Variants in UBE2R2 observed in about 807,000 individuals in gnomAD.
UBE2R2 encodes the protein ubiquitin-conjugating enzyme E2 R2.
Under a neutral mutation model 27.8 loss-of-function variants are expected in UBE2R2, and 1 was observed. The observed-to-expected ratio is 0.04, with a 90% CI of 0.01 to 0.17. UBE2R2 has a LOEUF of 0.17. Among genes scored for constraint, UBE2R2 ranks in the 10% least tolerant of loss-of-function variants. The pLI is 1.00. For synonymous variants in UBE2R2, 106 were observed against 113.3 expected (o/e 0.94, Z 0.41); for missense variants, 100 against 291.0 (o/e 0.34, Z 4.78).
intron 1 of UBE2R2, among the ~76,000 whole-genome samples, chr9:33,880,220 C>G (rs1483714985): frequency 6.6e-6 from 1 of 152,018 alleles, no homozygotes; most frequent in Admixed American, 6.6e-5. Context: ...TAAGTAGAAG[C>G]TTATATTATT....
intron 1 of UBE2R2, among the ~76,000 whole-genome samples, chr9:33,877,441 C>G (rs905515596): frequency 1.3e-5 from 2 of 151,952 alleles, no homozygotes; most frequent in Non-Finnish European, 2.9e-5. Flanking sequence ...CTCAGCCTCC[C>G]AAAGTGCTGG....
At chr9:33,915,977 A>G (rs1822631785) in intron 4 of UBE2R2, among the ~76,000 whole-genome samples, 1 of 152,146 alleles carries the variant, frequency 6.6e-6, no homozygotes, top group South Asian at 2.1e-4. Context: ...AGACAGAAAA[A>G]TCAACAAGGT....
chr9:33,852,844 C>A (rs1820997673), intron 1 of UBE2R2, among the ~76,000 whole-genome samples: 1 of 152,044 alleles, frequency 6.6e-6, no homozygotes, highest in South Asian at 2.1e-4. Flanking sequence ...CCTGTCTCTA[C>A]TAAAAGTACA....
chr9:33,843,837 A>T (rs1360617401), intron 1 of UBE2R2, among the ~76,000 whole-genome samples: 1 of 152,220 alleles, frequency 6.6e-6, no homozygotes, highest in Non-Finnish European at 1.5e-5. Context: ...CATTACTTAT[A>T]ATTCAGACAA....
chr9:33,834,474 A>G (rs555421903), intron 1 of UBE2R2, among the ~76,000 whole-genome samples: 55 of 152,048 alleles, frequency 3.6e-4, no homozygotes, highest in Admixed American at 6.5e-4. Flanking sequence ...GGCCTCCCAA[A>G]GTGTTGGGAT....
chr9:33,914,383 T>A (rs959886056), intron 4 of UBE2R2, among the ~76,000 whole-genome samples: 1 of 152,174 alleles, frequency 6.6e-6, no homozygotes, highest in Non-Finnish European at 1.5e-5. Context: ...TGAGTGTAAA[T>A]TCTGATGTGG....
At chr9:33,850,284 A>T (rs564703980) in intron 1 of UBE2R2, among the ~76,000 whole-genome samples, 2 of 152,288 alleles carry the variant, frequency 1.3e-5, no homozygotes, top group Non-Finnish European at 2.9e-5. Flanking sequence ...TAGAGCTCTA[A>T]AAATCAAGTC....
chr9:33,896,817 G>GT (rs1346206668), intron 2 of UBE2R2, among the ~76,000 whole-genome samples: 3 of 151,652 alleles, frequency 2.0e-5, no homozygotes, highest in Non-Finnish European at 1.5e-5. Flanking sequence ...CTTTCTGATT[G>GT]TTTTTATCAT....
intron 1 of UBE2R2, among the ~76,000 whole-genome samples, chr9:33,857,373 C>T (rs1453685277): frequency 2.6e-5 from 4 of 151,926 alleles, no homozygotes; most frequent in South Asian, 2.1e-4. Context: ...GGCTGGAGTG[C>T]GGTGGCACTA....
intron 3 of UBE2R2, among the ~76,000 whole-genome samples, chr9:33,901,206 A>C (rs929360847): frequency 6.6e-6 from 1 of 152,140 alleles, no homozygotes; most frequent in Non-Finnish European, 1.5e-5. Flanking sequence ...AATGTCCCCC[A>C]GTTGAGATTT....
At chr9:33,862,782 C>T (rs1821269253) in intron 1 of UBE2R2, among the ~76,000 whole-genome samples, 1 of 152,084 alleles carries the variant, frequency 6.6e-6, no homozygotes, top group Non-Finnish European at 1.5e-5. Context: ...TTAAACATTT[C>T]CCCCATTTTG....
chr9:33,917,493 T>TA lies in UBE2R2; in HGVS notation c.*262dup. 5.3e-6 allele frequency: 3 copies of TA among 562,862 alleles called. No homozygotes were observed. The highest frequency in any genetic ancestry group is 6.1e-6 in the Non-Finnish European group (2 of 329,526). The allele number at this position is 562,862 out of a possible 1,614,324, so 34.9% of individuals were successfully genotyped here. A position where few individuals can be genotyped will look rare whatever the true frequency, so the allele number is the denominator to read the frequency against. The stretch of plus-strand genomic sequence containing the variant: ...TCCATCACTATATTGATTCTTTTTT[T>TA]AAAAAATATGAACCCAAACTCCCGC... On this transcript the variant is annotated 3_prime_UTR_variant, in exon 5 of 5. Coordinates refer to ENST00000263228, the MANE Select transcript of UBE2R2 (RefSeq NM_017811.4).
Position 33,879,154 on chromosome 9 carries a change from G to A in UBE2R2, c.178-7727G>A, listed in dbSNP as rs546622942. Reference sequence around the variant, plus strand: ...AGGAGGCTGGGGCAGGATCGCTTGAGCCTGCGAGGTCAAGGCTGGCAGTGA... The same window carrying A: ...AGGAGGCTGGGGCAGGATCGCTTGAACCTGCGAGGTCAAGGCTGGCAGTGA... On this transcript the variant is annotated intron_variant, in intron 1 of 4. Coordinates refer to ENST00000263228, the MANE Select transcript of UBE2R2 (RefSeq NM_017811.4). Among the ~76,000 whole-genome samples, 7 of 152,262 alleles carry A rather than the reference G, an allele frequency of 4.6e-5. No homozygotes were observed. In the East Asian group the frequency reaches 9.6e-4, roughly 21 times the overall value.
chr9:33,919,874 T>C lies in UBE2R2; in HGVS notation c.*2637T>C, dbSNP rs1389370950. 2 of 152,218 alleles carry C rather than the reference T, an allele frequency of 1.3e-5. No individual in the cohort carries two copies. Among genetic ancestry groups the C allele is most frequent in the African/African-American group, 4.8e-5 (2 of 41,460 alleles). 9.4% of individuals were successfully genotyped at this position (152,218 alleles called of 1,614,324 possible). A position where few individuals can be genotyped will look rare whatever the true frequency, so the allele number is the denominator to read the frequency against. On this transcript the variant is annotated 3_prime_UTR_variant, in exon 5 of 5. Transcript: ENST00000263228. ...CTAATTGAGGCCTCACTAGATGCTC[T>C]TCAGTTCTGTGTATTTTGAGGCTGG...
At chr9:33,843,048 T>C (rs1279868113) in intron 1 of UBE2R2, among the ~76,000 whole-genome samples, 1 of 125,748 alleles carries the variant, frequency 8.0e-6, no homozygotes, top group Non-Finnish European at 1.9e-5. Context: ...ACCACTTTTT[T>C]TTTTTTTTTT....
intron 1 of UBE2R2, among the ~76,000 whole-genome samples, chr9:33,848,204 A>G (rs998034451): frequency 2.0e-5 from 3 of 152,124 alleles, no homozygotes; most frequent in Non-Finnish European, 4.4e-5. Flanking sequence ...TCATAAATTC[A>G]TTTTGTGCAA....
chr9:33,833,312 G>C (rs563861682), intron 1 of UBE2R2, among the ~76,000 whole-genome samples: 1 of 152,242 alleles, frequency 6.6e-6, no homozygotes, highest in East Asian at 1.9e-4. Flanking sequence ...TGATCCGCCT[G>C]CCTTGGCCTC....
chr9:33,911,410 A>C (rs1336816066), intron 3 of UBE2R2, among the ~76,000 whole-genome samples: 2 of 64,680 alleles, frequency 3.1e-5, no homozygotes, highest in African/African-American at 9.2e-5. Flanking sequence ...CTCAAAAAAA[A>C]AAAAAAAAAA....
At position 33,920,358 on chromosome 9, in the gene UBE2R2, TAATAAAATGTGA is replaced by T. The variant is rs748071209; in HGVS notation, c.*3130_*3141del. On this transcript the variant is annotated 3_prime_UTR_variant, in exon 5 of 5. Coordinates refer to ENST00000263228, the MANE Select transcript of UBE2R2 (RefSeq NM_017811.4). Reference sequence around the variant, plus strand: ...TGTCTTTTTCTGCCCATCTGTCTACTAATAAAATGTGAAATAAAATACCTGTATTGCTACTTC... The same window carrying T: ...TGTCTTTTTCTGCCCATCTGTCTACTAATAAAATACCTGTATTGCTACTTC... 5 of 152,232 alleles carry T rather than the reference TAATAAAATGTGA, an allele frequency of 3.3e-5. No individual in the cohort carries two copies. Among genetic ancestry groups the T allele is most frequent in the Non-Finnish European group, 7.3e-5 (5 of 68,038 alleles). The allele number at this position is 152,232 out of a possible 1,614,324, so 9.4% of individuals were successfully genotyped here.
Sources: gnomAD v4.1 joint callset for allele counts (sites outside exome capture counted in the v4.1 genomes callset) on GRCh38, gnomAD v4.1.1 for gene constraint, MANE v1.5 for transcripts, NCBI Gene and HGNC (gene_info 2026-07-23, HGNC 2026-07-21) for gene names.